PPP1R21: variants seen among roughly 807,000 people sequenced by gnomAD.
The protein encoded by PPP1R21 is KLRAQ motif containing 1.
Under a neutral mutation model 112.8 loss-of-function variants are expected in PPP1R21, and 85 were observed. The observed-to-expected ratio is 0.75, with a 90% CI of 0.63 to 0.90. The LOEUF is 0.90. Among genes scored for constraint, PPP1R21 ranks in the 40% least tolerant of loss-of-function variants. The probability of loss-of-function intolerance (pLI) is 0.00; values close to 1 mark genes in which losing one functional copy is unlikely to be tolerated. For missense variants in PPP1R21, 1,199 were observed against 901.5 expected, an observed-to-expected ratio of 1.33 and a Z score of -4.23; for synonymous variants, 381 against 322.3, an observed-to-expected ratio of 1.18 and a Z score of -1.95.
In PPP1R21 at chr2:48,457,935, C is replaced by T. The variant is rs1167631237; in HGVS notation, c.274-191C>T. ...CTTTTTAAAGCTTTCCTGCTCCTTA[C>T]AATATTTGCAGTTTCAACTTGTGTC... On this transcript the variant is annotated intron_variant, in intron 3 of 21. Coordinates refer to ENST00000294952, the MANE Select transcript of PPP1R21 (RefSeq NM_001135629.3). 1.0e-4 allele frequency: 55 copies of T among 551,372 alleles called. No homozygotes were observed. In the East Asian group the frequency reaches 2.1e-3, roughly 21 times the overall value. 34.2% of individuals were successfully genotyped at this position (551,372 alleles called of 1,614,324 possible).
At chr2:48,506,422 A>G (rs1205285325) in intron 18 of PPP1R21, among the ~76,000 whole-genome samples, 3 of 152,168 alleles carry the variant, frequency 2.0e-5, no homozygotes, top group Non-Finnish European at 4.4e-5. Context: ...ATAAATAAAT[A>G]AACACTGAAG....
intron 17 of PPP1R21, among the ~76,000 whole-genome samples, chr2:48,500,676 C>T (rs1448138862): frequency 1.3e-5 from 2 of 152,032 alleles, no homozygotes; most frequent in South Asian, 2.1e-4. Context: ...TTTGGAAGGC[C>T]GAGGCGGGTG....
chr2:48,440,849 C>G lies in PPP1R21; in HGVS notation c.-105C>G, dbSNP rs564137275. ...GGCGGCGGCGGCTGCGGTGGCCAAGCAGGCAGATACTGCCTGACCCGTTCC... is the reference window on the plus strand; with the variant it reads ...GGCGGCGGCGGCTGCGGTGGCCAAGGAGGCAGATACTGCCTGACCCGTTCC... On this transcript the variant is annotated 5_prime_UTR_variant, in exon 1 of 22. Coordinates refer to ENST00000294952, the MANE Select transcript of PPP1R21 (RefSeq NM_001135629.3). 9 of 778,122 alleles carry G rather than the reference C, an allele frequency of 1.2e-5. No individual in the cohort carries two copies. The highest frequency in any genetic ancestry group is 1.1e-4 in the Admixed American group (4 of 35,766). 48.2% of individuals were successfully genotyped at this position (778,122 alleles called of 1,614,324 possible). A position where few individuals can be genotyped will look rare whatever the true frequency, so the allele number is the denominator to read the frequency against.
intron 9 of PPP1R21, among the ~76,000 whole-genome samples, chr2:48,470,477 G>A (rs1471615611): frequency 1.1e-4 from 16 of 146,926 alleles, no homozygotes; most frequent in East Asian, 2.0e-4. Flanking sequence ...CCAAGATCCC[G>A]CCACTGCACT....
At chr2:48,457,943 G>A (rs1368153042) in intron 3 of PPP1R21, 183 bp from the exon 4 acceptor site, 1 of 564,002 alleles carries the variant, frequency 1.8e-6, no homozygotes. Flanking sequence ...TACAATATTT[G>A]CAGTTTCAAC....
chr2:48,454,707 T>C lies in PPP1R21; in HGVS notation c.239T>C (p.Leu80Pro), dbSNP rs146948206. ...AKRVELLQDE[L>P]ALSEPRGKKN... is the part of the protein sequence containing the mutation. ...AGGGTAGAACTACTTCAAGATGAAC[T>C]AGCTCTAAGTGAACCACGAGGCAAG... Residue 80 changes from leucine to proline, a missense_variant, in exon 3 of 22, where the codon CTA (leucine) becomes CCA (proline). Leu to Pro is a moderately conservative substitution (Grantham distance 98). Transcript: ENST00000294952. 1 of 1,613,978 alleles carries C rather than the reference T, an allele frequency of 6.2e-7. No homozygotes were observed. Among genetic ancestry groups the C allele is most frequent in the African/African-American group, 1.3e-5 (1 of 74,918 alleles).
chr2:48,445,369 ATAATT>A (rs1417318997), intron 1 of PPP1R21, among the ~76,000 whole-genome samples: 1 of 152,160 alleles, frequency 6.6e-6, no homozygotes, highest in Non-Finnish European at 1.5e-5. Context: ...TTTAATTTAA[ATAATT>A]TAATTAAAAT....
intron 15 of PPP1R21, among the ~76,000 whole-genome samples, chr2:48,495,131 C>T (rs765564009): frequency 2.6e-5 from 4 of 152,200 alleles, no homozygotes; most frequent in African/African-American, 2.4e-5. Context: ...GCTTTTGCAC[C>T]ATCGTAAAGT....
chr2:48,447,829 A>G (rs1243363800), intron 1 of PPP1R21, among the ~76,000 whole-genome samples: 1 of 152,184 alleles, frequency 6.6e-6, no homozygotes, highest in Non-Finnish European at 1.5e-5. Flanking sequence ...ACGTGCCTAT[A>G]ATCCCAGCTT....
intron 9 of PPP1R21, among the ~76,000 whole-genome samples, chr2:48,468,825 A>ATTGTG (rs1553339032): frequency 2.3e-5 from 1 of 43,906 alleles, no homozygotes; most frequent in Non-Finnish European, 5.0e-5. Context: ...AAGAAAAAAA[A>ATTGTG]TGTATGTGTG....
At chr2:48,442,627 G>A (rs1217496041) in intron 1 of PPP1R21, among the ~76,000 whole-genome samples, 1 of 152,314 alleles carries the variant, frequency 6.6e-6, no homozygotes, top group East Asian at 1.9e-4. Context: ...AGTACGACAA[G>A]TGTTAGTTCA....
At chr2:48,506,437 C>T (rs906757607) in intron 18 of PPP1R21, among the ~76,000 whole-genome samples, 2 of 152,118 alleles carry the variant, frequency 1.3e-5, no homozygotes, top group Non-Finnish European at 2.9e-5. Context: ...CTGAAGTCAT[C>T]CAACTTACCA....
In PPP1R21 at chr2:48,458,819, G is replaced by C. The variant is rs191552310; in HGVS notation, c.375+592G>C. 4.7e-3 allele frequency among the ~76,000 whole-genome samples: 709 copies of C among 152,164 alleles called. 11 individuals carry two copies. Among genetic ancestry groups the C allele is most frequent in the African/African-American group, 0.016 (652 of 41,512 alleles). ...TTCTAAGATTCATAGTGGGCTGGGCGCAGTGTCTCATGCCTGTAATCCCAG... is the reference window on the plus strand; with the variant it reads ...TTCTAAGATTCATAGTGGGCTGGGCCCAGTGTCTCATGCCTGTAATCCCAG... On this transcript the variant is annotated intron_variant, in intron 4 of 21. Transcript: ENST00000294952.
intron 19 of PPP1R21, among the ~76,000 whole-genome samples, chr2:48,509,590 A>G (rs1280005267): frequency 6.6e-6 from 1 of 151,928 alleles, no homozygotes; most frequent in Non-Finnish European, 1.5e-5. Context: ...CTGTAATCCC[A>G]GCTACTCGGG....
intron 9 of PPP1R21, among the ~76,000 whole-genome samples, chr2:48,466,419 G>T (rs1361875982): frequency 6.6e-6 from 1 of 151,818 alleles, no homozygotes; most frequent in Non-Finnish European, 1.5e-5. Context: ...TAGAGCCAGG[G>T]TTTCGCCATG....
chr2:48,471,630 C>A (rs1171561762), intron 11 of PPP1R21, among the ~76,000 whole-genome samples: 28 of 152,124 alleles, frequency 1.8e-4, no homozygotes, highest in Non-Finnish European at 1.5e-5. Context: ...CAGTTAACAC[C>A]TAGATGGGTG....
At chr2:48,446,133 T>C (rs1667234839) in intron 1 of PPP1R21, among the ~76,000 whole-genome samples, 1 of 152,210 alleles carries the variant, frequency 6.6e-6, no homozygotes, top group Non-Finnish European at 1.5e-5. Context: ...AAGACAGCCA[T>C]GTAAAAGTGG....
intron 19 of PPP1R21, 60 bp downstream of exon 19, chr2:48,507,445 A>G: frequency 1.9e-6 from 3 of 1,566,314 alleles, no homozygotes; most frequent in Non-Finnish European, 2.6e-6. Flanking sequence ...GAGTTAGGAC[A>G]CTGTCCTGTT....
Position 48,471,362 on chromosome 2 carries a change from A to T in PPP1R21, c.1083A>T (p.Leu361Phe). 2 of 1,606,382 alleles carry T rather than the reference A, an allele frequency of 1.2e-6. No homozygotes were observed. The highest frequency in any genetic ancestry group is 1.7e-6 in the Non-Finnish European group (2 of 1,177,630). Residue 361 changes from leucine (L) to phenylalanine (F), a missense_variant, in exon 11 of 22, where the codon TTA becomes TTT. Leu to Phe is a conservative substitution (Grantham distance 22). Transcript: ENST00000294952. ...TTAGGAAGATTCTTCCCTATCAGTT[A>T]AAAAGGTAGTTACCCCCGGAGGCCA... ...CFLRKILPYQ[L>F]KSLEEECESS...
Sources: gnomAD v4.1 joint callset for allele counts (sites outside exome capture counted in the v4.1 genomes callset) on GRCh38, gnomAD v4.1.1 for gene constraint, MANE v1.5 for transcripts, NCBI Gene and HGNC (gene_info 2026-07-23, HGNC 2026-07-21) for gene names.